MTERF4: variants seen among roughly 807,000 people sequenced by gnomAD.
The protein encoded by MTERF4 is mitochondrial transcription termination factor 4, also known as transcription termination factor 4, mitochondrial.
Under a neutral mutation model 22.5 loss-of-function variants are expected in MTERF4, and 17 were observed. The observed-to-expected ratio is 0.75, with a 90% CI of 0.52 to 1.13. MTERF4 has a LOEUF of 1.13. Ranked by LOEUF, MTERF4 falls within the 50% of genes most tolerant of loss-of-function variation. The probability of loss-of-function intolerance (pLI) is 0.00; values close to 1 mark genes in which losing one functional copy is unlikely to be tolerated. For missense variants in MTERF4, 420 were observed against 466.8 expected (o/e 0.90, Z 0.92); for synonymous variants, 165 against 175.3 (o/e 0.94, Z 0.47).
the MTERF4 span, chr2:241,063,755 A>G: frequency 7.7e-7 from 1 of 1,294,276 alleles, no homozygotes. Flanking sequence ...CTGGAAGATC[A>G]GAGAGGAGGT....
At chr2:241,067,323 C>T (rs898445366), downstream of MTERF4, among the ~76,000 whole-genome samples, 2 of 152,218 alleles carry the variant, frequency 1.3e-5, no homozygotes, top group Non-Finnish European at 2.9e-5. Context: ...CCTGCAGTTG[C>T]TGGGAGTTCT....
intron 1 of MTERF4, 73 bp downstream of exon 1, chr2:241,102,180 G>A: frequency 6.5e-7 from 1 of 1,544,426 alleles, no homozygotes; most frequent in Non-Finnish European, 8.7e-7. Flanking sequence ...AACACTCGGC[G>A]GCCGCGGTTC....
chr2:241,097,286 G>A lies in MTERF4; in HGVS notation c.662C>T (p.Ser221Phe). 1 of 1,614,198 alleles carries A rather than the reference G, an allele frequency of 6.2e-7. No individual in the cohort carries two copies. Among genetic ancestry groups the A allele is most frequent in the Non-Finnish European group, 8.5e-7 (1 of 1,180,034 alleles). Residue 221 changes from serine to phenylalanine, a missense_variant, in exon 3 of 4, where the codon TCT (serine) becomes TTT (phenylalanine). Coordinates refer to ENST00000391980, the MANE Select transcript of MTERF4 (RefSeq NM_182501.4). ...TTGACCCAGGTCCTCTCGAAGAACA[G>A]AGGGGCAACTGTGCAAAATCTTGGT... The part of the protein sequence containing the change: ...QVTKILHSCP[S>F]VLREDLGQLE...
downstream of MTERF4, among the ~76,000 whole-genome samples, chr2:241,083,652 G>T (rs984655565): frequency 3.9e-5 from 6 of 152,124 alleles, no homozygotes; most frequent in African/African-American, 1.4e-4. Flanking sequence ...CCATCTTCCC[G>T]CTGTGCTTAG....
downstream of MTERF4, chr2:241,087,715 G>T (rs531428691): frequency 1.5e-6 from 2 of 1,357,984 alleles, no homozygotes; most frequent in Admixed American, 3.5e-5. Context: ...GGTCACTCTG[G>T]TTATGCATAT....
the MTERF4 span, among the ~76,000 whole-genome samples, chr2:241,053,536 C>T: frequency 1.3e-4 from 20 of 152,346 alleles, no homozygotes; most frequent in South Asian, 4.1e-3. Context: ...GGGGCATTCA[C>T]TAAAGGCTTC....
intron 3 of MTERF4, 38 bp downstream of exon 3, chr2:241,097,205 C>T (rs752961857): frequency 6.2e-6 from 10 of 1,606,124 alleles, no homozygotes; most frequent in Non-Finnish European, 8.5e-6. Flanking sequence ...GTCATTCTCA[C>T]CTGAAACTAC....
chr2:241,057,761 TA>T, the MTERF4 span, among the ~76,000 whole-genome samples: 1 of 151,992 alleles, frequency 6.6e-6, no homozygotes, highest in Admixed American at 6.6e-5. Context: ...TGTGAGACCA[TA>T]AAAAAATATA....
chr2:241,091,157 C>A (rs2063951562), downstream of MTERF4, among the ~76,000 whole-genome samples: 1 of 152,110 alleles, frequency 6.6e-6, no homozygotes, highest in African/African-American at 2.4e-5. The surrounding 1 kb of genome is among the most constrained non-coding windows in gnomAD (Gnocchi z 4.1). Context: ...AATACCTATT[C>A]TTGAAATAAT....
chr2:241,057,790 C>T, the MTERF4 span, among the ~76,000 whole-genome samples: 1 of 152,046 alleles, frequency 6.6e-6, no homozygotes, highest in Non-Finnish European at 1.5e-5. Context: ...ACAAACACAG[C>T]TTCAGAGGCT....
chr2:241,083,260 AC>A (rs1340602152), downstream of MTERF4, among the ~76,000 whole-genome samples: 1 of 152,186 alleles, frequency 6.6e-6, no homozygotes, highest in Non-Finnish European at 1.5e-5. Flanking sequence ...GAGGACAGTT[AC>A]CAGGGCCCCA....
At chr2:241,082,114 T>C (rs1575116296), downstream of MTERF4, among the ~76,000 whole-genome samples, 1 of 151,924 alleles carries the variant, frequency 6.6e-6, no homozygotes, top group Admixed American at 6.6e-5. Context: ...ACCCCGGCCT[T>C]AGAGGAAGCC....
chr2:241,067,112 A>G, the MTERF4 span, among the ~76,000 whole-genome samples: 6 of 152,178 alleles, frequency 3.9e-5, no homozygotes, highest in African/African-American at 1.4e-4. Context: ...TGGAGTGAAG[A>G]CAGAGCCCGC....
the MTERF4 span, chr2:241,063,675 C>G: frequency 6.2e-7 from 1 of 1,611,106 alleles, no homozygotes; most frequent in Non-Finnish European, 8.5e-7. Context: ...GCCCTGCAGG[C>G]TTCGTTGGAG....
Position 241,075,120 on chromosome 2 carries a change from C to G in MTERF4, n.1042G>C, listed in dbSNP as rs949183178. 6.6e-6 allele frequency: 1 copy of G among 152,178 alleles called. No homozygotes were observed. The highest frequency in any genetic ancestry group is 2.4e-5 in the African/African-American group (1 of 41,424). The allele number at this position is 152,178 out of a possible 1,614,324, so 9.4% of individuals were successfully genotyped here. A position where few individuals can be genotyped will look rare whatever the true frequency, so the allele number is the denominator to read the frequency against. On this transcript the variant is annotated non_coding_transcript_exon_variant, in exon 5 of 5. Coordinates refer to the MTERF4 transcript ENST00000464344. The surrounding 1 kb of genome is among the most constrained non-coding windows in gnomAD (Gnocchi z 4.8). ...TCACACCTACTATTGAGCACAGAGT[C>G]CACTGAGTGAACTGACCGGCTCTTC...
downstream of MTERF4, chr2:241,072,089 C>T (rs1023677909): frequency 4.1e-5 from 29 of 700,840 alleles, no homozygotes; most frequent in Non-Finnish European, 6.8e-5. Context: ...CTCGTGAGGG[C>T]CTCACGTCAG....
chr2:241,099,877 G>C lies in MTERF4; in HGVS notation c.39C>G (p.Arg13=), dbSNP rs1052148551. Reference sequence around the variant, plus strand: ...TACAGGCCCAGGTGAGGGGGATCAGGCGGTGCCAATCAAGGACCTGTAAGA... The same window carrying C: ...TACAGGCCCAGGTGAGGGGGATCAGCCGGTGCCAATCAAGGACCTGTAAGA... The part of the protein sequence containing the change: ...AFGRQVLDWH[R]LIPLTWACMA... The change falls in exon 2 of 4, where the codon CGC becomes CGG. Residue 13 remains arginine (R), a synonymous_variant. Coordinates refer to ENST00000391980, the MANE Select transcript of MTERF4 (RefSeq NM_182501.4). 4 of 1,612,740 alleles carry C rather than the reference G, an allele frequency of 2.5e-6. No homozygotes were observed. In the African/African-American group the frequency reaches 5.3e-5, roughly 22 times the overall value.
chr2:241,044,717 A>T, the MTERF4 span, among the ~76,000 whole-genome samples: 7 of 152,118 alleles, frequency 4.6e-5, no homozygotes, highest in Non-Finnish European at 1.5e-5. Flanking sequence ...TTAAACTGCG[A>T]AGGAAGAAAC....
chr2:241,091,180 C>T (rs1325588159), downstream of MTERF4, among the ~76,000 whole-genome samples: 2 of 152,116 alleles, frequency 1.3e-5, no homozygotes, highest in Admixed American at 6.5e-5. The surrounding 1 kb of genome is among the most constrained non-coding windows in gnomAD (Gnocchi z 4.1). Context: ...AGACAACACA[C>T]AAAAAAGCAG....
Sources: gnomAD v4.1 joint callset for allele counts (sites outside exome capture counted in the v4.1 genomes callset) on GRCh38, gnomAD v4.1.1 for gene constraint, Gnocchi (gnomAD v3.1) non-coding constraint, MANE v1.5 for transcripts, NCBI Gene and HGNC (gene_info 2026-07-23, HGNC 2026-07-21) for gene names.